Variants in SPECC1 observed in about 807,000 individuals in gnomAD.
SPECC1 encodes cytospin-B.
Under a neutral mutation model 104.1 loss-of-function variants are expected in SPECC1, and 62 were observed. That is an observed-to-expected ratio of 0.60 (90% confidence interval 0.49 to 0.74). The LOEUF is 0.74. Ranked by LOEUF, SPECC1 falls within the 30% of genes least tolerant of loss-of-function variation. The pLI is 0.00. For synonymous variants in SPECC1, 513 were observed against 501.6 expected (o/e 1.02, Z -0.30); for missense variants, 1,306 against 1,310.5 (o/e 1.00, Z 0.05).
At chr17:20,271,748 CT>C (rs912552985) in intron 12 of SPECC1, among the ~76,000 whole-genome samples, 1 of 151,610 alleles carries the variant, frequency 6.6e-6, no homozygotes, top group African/African-American at 2.4e-5. Context: ...ACATCCTATT[CT>C]TTTTTTTCCC....
chr17:20,312,601 T>C (rs1424450937), intron 14 of SPECC1, among the ~76,000 whole-genome samples: 2 of 152,232 alleles, frequency 1.3e-5, no homozygotes, highest in African/African-American at 4.8e-5. Context: ...AGTTCCTTTC[T>C]GTAAGTCATG....
intron 12 of SPECC1, among the ~76,000 whole-genome samples, chr17:20,271,509 C>T (rs989142992): frequency 2.6e-5 from 4 of 152,112 alleles, no homozygotes; most frequent in African/African-American, 4.8e-5. Flanking sequence ...CACTTAAAAT[C>T]GTCTTGTTTT....
chr17:20,136,427 A>T (rs970434064), intron 3 of SPECC1, among the ~76,000 whole-genome samples: 9 of 26,598 alleles, frequency 3.4e-4, no homozygotes, highest in East Asian at 1.6e-3. Context: ...TCCATCTATT[A>T]AAAAAAAAAA....
chr17:20,158,865 CCT>C (rs1207044484), intron 3 of SPECC1, among the ~76,000 whole-genome samples: 1 of 152,140 alleles, frequency 6.6e-6, no homozygotes, highest in African/African-American at 2.4e-5. Flanking sequence ...CTCAGGCAAT[CCT>C]TCCACTTCAG....
chr17:20,204,500 T>A lies in SPECC1; in HGVS notation c.451T>A (p.Ser151Thr), dbSNP rs769953071. The A allele has an allele frequency of 8.7e-6, 14 of 1,613,946 alleles. No individual in the cohort carries two copies. The highest frequency in any genetic ancestry group is 1.1e-5 in the Non-Finnish European group (13 of 1,180,026). ...TCCTACGAAACACCTGAGGACCCCT[T>A]CCACAAAGCCCAAGCAAGAGAATGA... ...PTPTKHLRTPSTKPKQENEGG... is the reference protein window; with the variant it reads ...PTPTKHLRTPTTKPKQENEGG... Residue 151 changes from serine (S) to threonine (T), a missense_variant, in exon 4 of 15, where the codon TCC becomes ACC. Ser to Thr is a moderately conservative substitution (Grantham distance 58, BLOSUM62 1). Coordinates refer to ENST00000395527, the MANE Select transcript of SPECC1 (RefSeq NM_001243439.2).
At chr17:20,264,264 G>T (rs369556895) in intron 12 of SPECC1, among the ~76,000 whole-genome samples, 6 of 151,676 alleles carry the variant, frequency 4.0e-5, no homozygotes, top group Admixed American at 1.3e-4. Context: ...TATAGATTCA[G>T]GGGGTGAGTG....
Position 20,148,555 on chromosome 17 carries a change from AAAG to A in SPECC1, c.283+37994_283+37996del, listed in dbSNP as rs1340222825. The stretch of plus-strand genomic sequence containing the variant: ...TACATGTGCACTAGAAAAAAAAAAA[AAAG>A]GACAAGCAATAAAAGAACTTATATA... On this transcript the variant is annotated intron_variant, in intron 3 of 14. Transcript: ENST00000395527. 2.0e-5 allele frequency among the ~76,000 whole-genome samples: 3 copies of A among 151,874 alleles called. No homozygotes were observed. In the East Asian group the frequency reaches 5.8e-4, roughly 29 times the overall value.
At chr17:20,310,482 A>G (rs1050991824) in intron 14 of SPECC1, among the ~76,000 whole-genome samples, 4 of 152,228 alleles carry the variant, frequency 2.6e-5, no homozygotes, top group Non-Finnish European at 4.4e-5. Context: ...TTCCCCAGAT[A>G]TTAGAAAGTG....
intron 4 of SPECC1, among the ~76,000 whole-genome samples, chr17:20,221,601 A>G (rs901188725): frequency 5.3e-5 from 8 of 152,060 alleles, no homozygotes; most frequent in Non-Finnish European, 1.2e-4. Flanking sequence ...TTCAAAAACC[A>G]ACTTTTTGTT....
At chr17:20,295,388 A>C (rs1478148663) in intron 12 of SPECC1, among the ~76,000 whole-genome samples, 1 of 152,108 alleles carries the variant, frequency 6.6e-6, no homozygotes, top group South Asian at 2.1e-4. Context: ...GATGGTGTAC[A>C]TGTGCCACAT....
chr17:20,154,667 C>G (rs956912363), intron 3 of SPECC1, among the ~76,000 whole-genome samples: 3 of 152,128 alleles, frequency 2.0e-5, no homozygotes, highest in East Asian at 1.9e-4. Flanking sequence ...ATGATTTGAC[C>G]TAGGCTTTAG....
At chr17:20,051,070 T>TTC (rs1491420776) in intron 1 of SPECC1, among the ~76,000 whole-genome samples, 6 of 41,088 alleles carry the variant, frequency 1.5e-4, no homozygotes, top group Non-Finnish European at 2.1e-4. Flanking sequence ...TTCTTTCTTT[T>TTC]TCTTTCTTTC....
rs546442110 is a variant in SPECC1 at position 20,292,343 on chromosome 17, T to G, written c.2941-4618T>G. Among the ~76,000 whole-genome samples, 1,042 of 150,488 alleles carry G rather than the reference T, an allele frequency of 6.9e-3. 7 individuals are homozygous for G. The highest frequency in any genetic ancestry group is 0.035 in the South Asian group (167 of 4,726). ...CCGCCTGTTTTTTCATCTTTTTTTT[T>G]GGGGGGGGGACGGAGTTAATCTCTG... On this transcript the variant is annotated intron_variant, in intron 12 of 14. Transcript: ENST00000395527.
At chr17:20,239,016 G>T in intron 7 of SPECC1, 1 of 1,035,096 alleles carries the variant, frequency 9.7e-7, no homozygotes, top group Middle Eastern at 4.5e-4. Flanking sequence ...TAGAATTTGA[G>T]GTAGAAAAAA....
chr17:20,123,385 G>A (rs894534012), intron 3 of SPECC1, among the ~76,000 whole-genome samples: 1 of 152,332 alleles, frequency 6.6e-6, no homozygotes, highest in Non-Finnish European at 1.5e-5. Flanking sequence ...ATCAGTAAGG[G>A]CAAGCAGTCG....
At chr17:20,033,476 T>C (rs2044911827) in intron 1 of SPECC1, among the ~76,000 whole-genome samples, 1 of 152,034 alleles carries the variant, frequency 6.6e-6, no homozygotes, top group African/African-American at 2.4e-5. Flanking sequence ...AGAAAAAAGG[T>C]TTATTGGGCT....
rs201185252 is a variant in SPECC1 at position 20,277,893 on chromosome 17, CGT to C, written c.2940+17604_2940+17605del. On this transcript the variant is annotated intron_variant, in intron 12 of 14. Coordinates refer to ENST00000395527, the MANE Select transcript of SPECC1 (RefSeq NM_001243439.2). ...GTCCTCAGGCCCACTTATGTTGTGGCGTGTGTCAGCCACGCTGCTTCTGCATC... is the reference window on the plus strand; with the variant it reads ...GTCCTCAGGCCCACTTATGTTGTGGCGTGTCAGCCACGCTGCTTCTGCATC... Among the ~76,000 whole-genome samples the C allele has an allele frequency of 1.7e-3, 265 of 152,340 alleles. 8 individuals carry two copies. The East Asian group carries it at 0.04, about 23-fold the overall frequency.
rs981065181 is a variant in SPECC1, at chr17:20,114,502, T to C, written c.283+3940T>C. Reference sequence around the variant, plus strand: ...ATGGCGCCCAGCCTGTTTTTTTTTTTGTTTTTTTTTTTAGTGAAATTTAGC... The same window carrying C: ...ATGGCGCCCAGCCTGTTTTTTTTTTCGTTTTTTTTTTTAGTGAAATTTAGC... On this transcript the variant is annotated intron_variant, in intron 3 of 14. Coordinates refer to ENST00000395527, the MANE Select transcript of SPECC1 (RefSeq NM_001243439.2). Among the ~76,000 whole-genome samples the C allele has an allele frequency of 2.7e-5, 4 of 146,232 alleles. No homozygotes were observed. In the South Asian group the frequency reaches 8.3e-4, roughly 30 times the overall value.
At chr17:20,030,060 C>G (rs1377751412) in intron 1 of SPECC1, among the ~76,000 whole-genome samples, 1 of 152,168 alleles carries the variant, frequency 6.6e-6, no homozygotes, top group African/African-American at 2.4e-5. Flanking sequence ...GCCCTGTACT[C>G]ACCTTGATTG....
Sources: allele counts gnomAD v4.1 joint callset (sites outside exome capture counted in the v4.1 genomes callset), GRCh38; gene constraint gnomAD v4.1.1; transcripts MANE v1.5; gene names NCBI Gene and HGNC (gene_info 2026-07-23, HGNC 2026-07-21).